ZFYVE28: variants seen among roughly 807,000 people sequenced by gnomAD.
ZFYVE28 encodes the protein lateral signaling target protein 2 homolog.
Under a neutral mutation model 82.1 loss-of-function variants are expected in ZFYVE28, and 40 were observed. The observed-to-expected ratio is 0.49, with a 90% CI of 0.38 to 0.63. The LOEUF is 0.63. Ranked by LOEUF, ZFYVE28 falls within the 30% of genes least tolerant of loss-of-function variation. The pLI is 0.00. For missense variants in ZFYVE28, 1,321 were observed against 1,242.1 expected (o/e 1.06, Z -0.96); for synonymous variants, 612 against 546.1 (o/e 1.12, Z -1.68).
At chr4:2,282,824 G>C (rs1712132750) in intron 8 of ZFYVE28, among the ~76,000 whole-genome samples, 1 of 152,182 alleles carries the variant, frequency 6.6e-6, no homozygotes, top group Admixed American at 6.5e-5. Context: ...ACAGCCTGTA[G>C]TCCCAGCTAC....
chr4:2,297,692 G>A (rs1485837566), intron 8 of ZFYVE28, among the ~76,000 whole-genome samples: 2 of 152,232 alleles, frequency 1.3e-5, no homozygotes, highest in African/African-American at 4.8e-5. Context: ...GGGTGACACG[G>A]TGATATAGCG....
rs1411289607 is a variant in ZFYVE28 at position 2,273,232 on chromosome 4, G to A, written c.2264C>T (p.Thr755Ile). 6.2e-7 allele frequency: 1 copy of A among 1,613,886 alleles called. No homozygotes were observed. The highest frequency in any genetic ancestry group is 1.7e-5 in the Admixed American group (1 of 60,004). The change falls in exon 10 of 13, where the codon ACA (threonine) becomes ATA (isoleucine). Residue 755 changes from threonine to isoleucine, a missense_variant. Thr to Ile is a moderately conservative substitution (Grantham distance 89). Transcript: ENST00000290974. ...YASDLRSILK[T>I]LFEVMATKPE... ...CTTGGTGGCCATGACCTCAAACAGTGTTTTAAGAATACTTCTCAGGTCACT... is the reference window on the plus strand; with the variant it reads ...CTTGGTGGCCATGACCTCAAACAGTATTTTAAGAATACTTCTCAGGTCACT...
At chr4:2,364,370 A>C (rs1463646644) in intron 1 of ZFYVE28, 4 of 894,054 alleles carry the variant, frequency 4.5e-6, no homozygotes, top group Non-Finnish European at 5.4e-6. Flanking sequence ...CAGCCAGGCC[A>C]CTGAACGCCC....
rs527906299 is a variant in ZFYVE28 at position 2,301,020 on chromosome 4, C to T, written c.2051+3269G>A. ...GTGCACACGACCGGCCTCGCACAAA[C>T]GTCACTTAACACCAGCCATGCTTCC... On this transcript the variant is annotated intron_variant, in intron 8 of 12. Coordinates refer to ENST00000290974, the MANE Select transcript of ZFYVE28 (RefSeq NM_020972.3). Among the ~76,000 whole-genome samples the T allele has an allele frequency of 4.6e-5, 7 of 152,334 alleles. No individual in the cohort carries two copies. In the East Asian group the frequency reaches 9.6e-4, roughly 21 times the overall value.
chr4:2,313,970 TGTTA>T (rs1383525811), intron 7 of ZFYVE28, among the ~76,000 whole-genome samples: 1 of 152,192 alleles, frequency 6.6e-6, no homozygotes, highest in Non-Finnish European at 1.5e-5. Flanking sequence ...AGGGTTTTCC[TGTTA>T]GTTCCATCAG....
intron 8 of ZFYVE28, among the ~76,000 whole-genome samples, chr4:2,284,290 C>T (rs1008761067): frequency 7.9e-5 from 12 of 152,162 alleles, no homozygotes; most frequent in African/African-American, 7.2e-5. Flanking sequence ...GGCGTGACCA[C>T]GGCTCACTGT....
chr4:2,354,186 GAGCAGC>G, intron 1 of ZFYVE28, 113 bp from the exon 2 acceptor site: 2 of 1,188,348 alleles, frequency 1.7e-6, no homozygotes, highest in Non-Finnish European at 2.2e-6. Context: ...CTTCCACCCT[GAGCAGC>G]AGCCGGCTCT....
intron 7 of ZFYVE28, among the ~76,000 whole-genome samples, chr4:2,308,945 T>G (rs552890954): frequency 4.6e-5 from 7 of 152,240 alleles, no homozygotes; most frequent in Non-Finnish European, 1.0e-4. Context: ...TAACTTTCAA[T>G]GGAGGTCTTG....
At chr4:2,321,957 A>T (rs1278746559) in intron 6 of ZFYVE28, among the ~76,000 whole-genome samples, 1 of 152,186 alleles carries the variant, frequency 6.6e-6, no homozygotes, top group Non-Finnish European at 1.5e-5. Flanking sequence ...GAACTCGTTC[A>T]TCAGGAGGCT....
chr4:2,320,140 C>A lies in ZFYVE28; in HGVS notation c.803+30G>T. The A allele has an allele frequency of 6.4e-7, 1 of 1,555,488 alleles. No homozygotes were observed. The highest frequency in any genetic ancestry group is 1.1e-5 in the South Asian group (1 of 89,766). On this transcript the variant is annotated intron_variant, in intron 7 of 12. Transcript: ENST00000290974. This position sits in a 1 kb window ranked among gnomAD's most constrained non-coding sequence, Gnocchi z 5.1. ...CCTGTGGCCCTCCTGTCCCCCTCCC[C>A]TCCCCCACCTCCTCTAGCTCCATCC...
rs112522202 is a variant in ZFYVE28, at chr4:2,284,722, G to A, written c.2052-10506C>T. ...GCTGAGTCTGCAATGCACAAGGCCT[G>A]GCTTTGACTTCCTCTGTGAGTCCTG... On this transcript the variant is annotated intron_variant, in intron 8 of 12. Transcript: ENST00000290974. Among the ~76,000 whole-genome samples, 27 of 152,314 alleles carry A rather than the reference G, an allele frequency of 1.8e-4. 1 individual carries two copies. Among genetic ancestry groups the A allele is most frequent in the Middle Eastern group, 3.4e-3 (1 of 294 alleles).
chr4:2,364,986 G>A (rs1726691321), intron 1 of ZFYVE28: 41 of 809,314 alleles, frequency 5.1e-5, no homozygotes, highest in South Asian at 1.1e-4. Context: ...GGGCGCACGC[G>A]GGGGTCACTC....
In ZFYVE28 at chr4:2,361,632, A is replaced by G. The variant is rs141281917; in HGVS notation, c.40-7559T>C. 2.4e-3 allele frequency among the ~76,000 whole-genome samples: 368 copies of G among 152,212 alleles called. 9 individuals are homozygous for G. In the East Asian group the frequency reaches 0.059, roughly 24 times the overall value. On this transcript the variant is annotated intron_variant, in intron 1 of 12. Transcript: ENST00000290974. ...CACAGCCCATCACACCACGCCTTCCACCCAGACAAGGAGACTGACACTCCT... is the reference window on the plus strand; with the variant it reads ...CACAGCCCATCACACCACGCCTTCCGCCCAGACAAGGAGACTGACACTCCT...
Position 2,305,891 on chromosome 4 carries a change from A to G in ZFYVE28, c.804-355T>C, listed in dbSNP as rs535842868. Among the ~76,000 whole-genome samples, 8 of 152,394 alleles carry G rather than the reference A, an allele frequency of 5.2e-5. No individual in the cohort carries two copies. The East Asian group carries it at 1.5e-3, about 29-fold the overall frequency. ...AGTGAAAAAATACATGCTGGTTTAC[A>G]CATAAACCTTCATCCTTTCATTCCA... On this transcript the variant is annotated intron_variant, in intron 7 of 12. Coordinates refer to ENST00000290974, the MANE Select transcript of ZFYVE28 (RefSeq NM_020972.3).
rs968795883 is a variant in ZFYVE28 at position 2,394,697 on chromosome 4, C to T, written c.39+23588G>A. Among the ~76,000 whole-genome samples the T allele has an allele frequency of 1.3e-5, 2 of 152,364 alleles. No individual in the cohort carries two copies. The highest frequency in any genetic ancestry group is 2.1e-4 in the South Asian group (1 of 4,830). ...TGTCGTGTCACACAGGTCTGCGATC[C>T]GATCCTGTGAACAGGCACCACTCTG... On this transcript the variant is annotated intron_variant, in intron 1 of 12. Coordinates refer to ENST00000290974, the MANE Select transcript of ZFYVE28 (RefSeq NM_020972.3). This position sits in a 1 kb window ranked among gnomAD's most constrained non-coding sequence, Gnocchi z 4.0.
At chr4:2,371,674 C>T (rs1727569243) in intron 1 of ZFYVE28, among the ~76,000 whole-genome samples, 2 of 152,176 alleles carry the variant, frequency 1.3e-5, no homozygotes, top group Admixed American at 6.5e-5. Flanking sequence ...AAACAAAAAA[C>T]AGAAAACAAA....
chr4:2,404,322 A>AAAAC (rs1553866956), intron 1 of ZFYVE28, among the ~76,000 whole-genome samples: 2 of 42,146 alleles, frequency 4.7e-5, no homozygotes, highest in South Asian at 6.6e-4. Flanking sequence ...AAAAAAAAAA[A>AAAAC]AAAAAACGCT....
chr4:2,399,079 C>CGTGGGG (rs1730854963), intron 1 of ZFYVE28, among the ~76,000 whole-genome samples: 4 of 73,350 alleles, frequency 5.5e-5, no homozygotes, highest in Non-Finnish European at 5.3e-5. Flanking sequence ...AGGGCACAAG[C>CGTGGGG]GTGAAGGTGA....
rs1028462098 is a variant in ZFYVE28 at position 2,365,990 on chromosome 4, C to T, written c.40-11917G>A. On this transcript the variant is annotated intron_variant, in intron 1 of 12. Coordinates refer to ENST00000290974, the MANE Select transcript of ZFYVE28 (RefSeq NM_020972.3). Reference sequence around the variant, plus strand: ...TGAAGGCTGACCCATGTGACCTGCTCGTAGGAAGCCAGGGCAAGATACAGC... The same window carrying T: ...TGAAGGCTGACCCATGTGACCTGCTTGTAGGAAGCCAGGGCAAGATACAGC... Among the ~76,000 whole-genome samples, 8 of 152,270 alleles carry T rather than the reference C, an allele frequency of 5.3e-5. No individual in the cohort carries two copies. In the South Asian group the frequency reaches 1.0e-3, roughly 20 times the overall value.
Sources: gnomAD v4.1 joint callset for allele counts (sites outside exome capture counted in the v4.1 genomes callset) on GRCh38, gnomAD v4.1.1 for gene constraint, Gnocchi (gnomAD v3.1) non-coding constraint, MANE v1.5 for transcripts, NCBI Gene and HGNC (gene_info 2026-07-23, HGNC 2026-07-21) for gene names.